The following MUC15 variants were observed in gnomAD, a reference collection of about 807,000 sequenced individuals.
The protein encoded by MUC15 is mucin 15, cell surface associated.
Under a neutral mutation model 24.0 loss-of-function variants are expected in MUC15, and 23 were observed. That is an observed-to-expected ratio of 0.96 (90% CI 0.69 to 1.36). MUC15 has a LOEUF of 1.36. Among genes scored for constraint, MUC15 ranks in the 40% most tolerant of loss-of-function variants. MUC15 has a pLI of 0.00. For missense variants in MUC15, 442 were observed against 428.2 expected (o/e 1.03, Z -0.29); for synonymous variants, 151 against 156.3 (o/e 0.97, Z 0.25).
At chr11:26,564,169 T>C (rs1447092815) in intron 3 of MUC15, among the ~76,000 whole-genome samples, 3 of 151,792 alleles carry the variant, frequency 2.0e-5, no homozygotes, top group Non-Finnish European at 2.9e-5. Context: ...GTATTCTCAA[T>C]ATGTATATTA....
intron 4 of MUC15, among the ~76,000 whole-genome samples, chr11:26,562,663 A>C (rs1850338830): frequency 6.6e-6 from 1 of 151,954 alleles, no homozygotes; most frequent in East Asian, 1.9e-4. Context: ...GAGCCTCATT[A>C]AGATGGTTAA....
chr11:26,564,035 A>G (rs1412613379), intron 3 of MUC15, among the ~76,000 whole-genome samples: 1 of 151,824 alleles, frequency 6.6e-6, no homozygotes. Context: ...CTGATTCTAT[A>G]TAAAATCTCA....
intron 2 of MUC15, 147 bp downstream of exon 2, chr11:26,566,905 G>A (rs987941238): frequency 1.0e-5 from 6 of 579,638 alleles, no homozygotes; most frequent in Non-Finnish European, 1.3e-5. Flanking sequence ...TGAATGGGCT[G>A]ACTTAGGTAG....
At chr11:26,565,982 A>C in intron 2 of MUC15, 86 bp from the exon 3 acceptor site, 1 of 1,262,520 alleles carries the variant, frequency 7.9e-7, no homozygotes, top group Admixed American at 3.1e-5. Context: ...AGTGATAAAA[A>C]TCTAGACATA....
At chr11:26,562,666 A>T (rs927158594) in intron 4 of MUC15, among the ~76,000 whole-genome samples, 4 of 151,834 alleles carry the variant, frequency 2.6e-5, no homozygotes, top group African/African-American at 9.7e-5. Context: ...CCTCATTAAG[A>T]TGGTTAATGG....
intron 4 of MUC15, chr11:26,562,915 T>C (rs771785136): frequency 1.2e-4 from 78 of 636,258 alleles, no homozygotes; most frequent in Non-Finnish European, 1.7e-4. Flanking sequence ...ACAGTTCAAA[T>C]GTTTTTTAAA....
At chr11:26,566,764 GA>G (rs1850603160) in intron 2 of MUC15, among the ~76,000 whole-genome samples, 2 of 151,198 alleles carry the variant, frequency 1.3e-5, no homozygotes, top group Non-Finnish European at 3.0e-5. Context: ...GGTGATATAG[GA>G]AAATGTTTTG....
Position 26,561,138 on chromosome 11 carries a change from A to G in MUC15, c.1013T>C (p.Met338Thr), listed in dbSNP as rs1850273128. ...YYNPTLNDSA[M>T]PESEENARDG... Reference sequence around the variant, plus strand: ...ACGTGCATTTTCTTCACTTTCTGGCATGGCTGAATCATTCAAAGTTGGATT... The same window carrying G: ...ACGTGCATTTTCTTCACTTTCTGGCGTGGCTGAATCATTCAAAGTTGGATT... The change falls in exon 5 of 5, where the codon ATG (methionine) becomes ACG (threonine). Residue 338 changes from methionine (M) to threonine (T), a missense_variant. Transcript: ENST00000529533. 3.1e-6 allele frequency: 5 copies of G among 1,612,826 alleles called. No individual in the cohort carries two copies. Among genetic ancestry groups the G allele is most frequent in the African/African-American group, 1.3e-5 (1 of 74,814 alleles).
In MUC15 at chr11:26,565,716, G is replaced by C. The variant is rs775399026; in HGVS notation, c.224C>G (p.Ser75Cys). Residue 75 changes from serine to cysteine, a missense_variant, in exon 3 of 5, where the codon TCT becomes TGT. By Grantham distance (112) the Ser-to-Cys change is moderately radical. Coordinates refer to ENST00000529533, the MANE Select transcript of MUC15 (RefSeq NM_001135091.2). ...GTTTAAGTTTGCTTCACTTTCCAAA[G>C]AAATAGGTTTATTTTCCATTGTTTT... ...VFKTMENKPI[S>C]LESEANLNSD... The C allele has an allele frequency of 5.0e-6, 8 of 1,605,772 alleles. No homozygotes were observed. The highest frequency in any genetic ancestry group is 5.1e-6 in the Non-Finnish European group (6 of 1,173,984).
At chr11:26,564,728 CACACATATATATATATATAT>C (rs1287592715) in intron 3 of MUC15, among the ~76,000 whole-genome samples, 94 of 36,122 alleles carry the variant, frequency 2.6e-3, no homozygotes, top group African/African-American at 9.5e-3. Context: ...CACACACACA[CACACATATATATATATATAT>C]ATATATATAT....
In MUC15 at chr11:26,565,181, C is replaced by T. The variant is rs570539672; in HGVS notation, c.759G>A (p.Thr253=). The change falls in exon 3 of 5, where the codon ACG becomes ACA. Residue 253 remains threonine (T), a synonymous_variant. Coordinates refer to ENST00000529533, the MANE Select transcript of MUC15 (RefSeq NM_001135091.2). ...TATATTTACCTTTTTGGGGATCTGA[C>T]GTATTTGGAAAGAGTTTTGAATTAT... ...FTNNSKLFPN[T]SDPQKENRNT... 107 of 1,503,042 alleles carry T rather than the reference C, an allele frequency of 7.1e-5. No individual in the cohort carries two copies. The highest frequency in any genetic ancestry group is 1.4e-4 in the Admixed American group (6 of 42,794). The allele number at this position is 1,503,042 out of a possible 1,614,324, so 93.1% of individuals were successfully genotyped here.
intron 3 of MUC15, among the ~76,000 whole-genome samples, chr11:26,564,771 A>C: frequency 9.6e-6 from 1 of 103,822 alleles, no homozygotes; most frequent in Non-Finnish European, 2.1e-5. Flanking sequence ...ATATATATAT[A>C]TATATATATA....
Position 26,559,485 on chromosome 11 carries a change from G to A in MUC15, c.*1580C>T, listed in dbSNP as rs566446651. On this transcript the variant is annotated 3_prime_UTR_variant, in exon 5 of 5. Transcript: ENST00000529533. ...ATCAGAAATGATGGTGGGGTATAAA[G>A]GGAATCAAGAGAGGAGAGAAGAGGG... is the stretch of plus-strand genomic sequence containing the variant. The A allele has an allele frequency of 8.7e-5, 40 of 459,334 alleles. 1 individual carries two copies. In the Middle Eastern group the frequency reaches 2.4e-3, roughly 28 times the overall value. 28.5% of individuals were successfully genotyped at this position (459,334 alleles called of 1,614,324 possible).
Position 26,559,585 on chromosome 11 carries a change from TATATA to T in MUC15, c.*1475_*1479del, listed in dbSNP as rs533212790. On this transcript the variant is annotated 3_prime_UTR_variant, in exon 5 of 5. Transcript: ENST00000529533. ...TTGCAAGACCCATGAAAGGAATTCA[TATATA>T]ATATTTCTGTACTATAAAATAATAT... is the stretch of plus-strand genomic sequence containing the variant. 8.2e-5 allele frequency: 53 copies of T among 646,366 alleles called. No individual in the cohort carries two copies. The highest frequency in any genetic ancestry group is 1.4e-4 in the Non-Finnish European group (52 of 366,824). The allele number at this position is 646,366 out of a possible 1,614,324, so 40.0% of individuals were successfully genotyped here.
At chr11:26,561,662 TTGA>T (rs1332779015) in intron 4 of MUC15, among the ~76,000 whole-genome samples, 25 of 151,996 alleles carry the variant, frequency 1.6e-4, no homozygotes, top group African/African-American at 5.8e-4. Flanking sequence ...TCACAGTATC[TTGA>T]TGGCTAAACC....
rs765455264 is a variant in MUC15, at chr11:26,565,875, AT to A, written c.64del (p.Ile22TyrfsTer10). The A allele has an allele frequency of 3.8e-6, 6 of 1,579,750 alleles. No homozygotes were observed. The highest frequency in any genetic ancestry group is 3.4e-6 in the Non-Finnish European group (4 of 1,170,654). On this transcript the variant is annotated frameshift_variant, in exon 3 of 5. Transcript: ENST00000529533. LOFTEE classifies it high-confidence loss of function. ...GGCCAACATTGTAGGCTTCTTTGGT[AT>A]TGGTTTTTTTTTAAAGGAATCTGAA... The part of the protein sequence containing the change: ...RDCYSFKKKP[I>X]PKKPTMLALA...
At chr11:26,565,996 T>C in intron 2 of MUC15, 100 bp from the exon 3 acceptor site, 1 of 1,167,092 alleles carries the variant, frequency 8.6e-7, no homozygotes, top group African/African-American at 1.6e-5. Flanking sequence ...AGACATAATA[T>C]AGAGATGGTA....
chr11:26,563,409 G>C (rs1850381520), intron 3 of MUC15, 144 bp from the exon 4 acceptor site: 9 of 677,306 alleles, frequency 1.3e-5, no homozygotes, highest in African/African-American at 1.1e-4. Flanking sequence ...GTGTGTGTGT[G>C]TGTGTGTGTG....
intron 3 of MUC15, among the ~76,000 whole-genome samples, chr11:26,564,595 G>A: frequency 6.9e-6 from 1 of 144,868 alleles, no homozygotes; most frequent in East Asian, 2.1e-4. Flanking sequence ...ACATAAAAAT[G>A]TCCACATAAT....
Sources: gnomAD v4.1 joint callset for allele counts (sites outside exome capture counted in the v4.1 genomes callset) on GRCh38, gnomAD v4.1.1 for gene constraint, MANE v1.5 for transcripts, NCBI Gene and HGNC (gene_info 2026-07-23, HGNC 2026-07-21) for gene names.